Variants in DCBLD2 observed in about 807,000 individuals in gnomAD.
DCBLD2 encodes discoidin, CUB and LCCL domain containing 2.
In DCBLD2, 54 loss-of-function variants were observed where a neutral mutation model predicts 86.8. The ratio of observed to expected loss-of-function variants is 0.62; its 90% CI spans 0.50 to 0.78. DCBLD2 has a LOEUF of 0.78. Among genes scored for constraint, DCBLD2 ranks in the 30% least tolerant of loss-of-function variants. The pLI is 0.00. For missense variants in DCBLD2, 908 were observed against 954.2 expected, an observed-to-expected ratio of 0.95 and a Z score of 0.64; for synonymous variants, 354 against 341.3, an observed-to-expected ratio of 1.04 and a Z score of -0.41.
intron 2 of DCBLD2, among the ~76,000 whole-genome samples, chr3:98,854,371 G>A (rs2107489883): frequency 6.6e-6 from 1 of 152,186 alleles, no homozygotes; most frequent in Admixed American, 6.5e-5. Flanking sequence ...GTGGTTGAGT[G>A]TTCTCTTTTT....
chr3:98,820,186 G>T, intron 7 of DCBLD2, 62 bp downstream of exon 7: 1 of 1,072,680 alleles, frequency 9.3e-7, no homozygotes, highest in Non-Finnish European at 1.2e-6. Flanking sequence ...CTGACACAGT[G>T]CCTAACAGTG....
At chr3:98,822,423 C>T in intron 5 of DCBLD2, 62 bp from the exon 6 acceptor site, 1 of 1,539,448 alleles carries the variant, frequency 6.5e-7, no homozygotes, top group Non-Finnish European at 8.7e-7. Flanking sequence ...ATAAACAAGA[C>T]ACTCTACTTC....
intron 3 of DCBLD2, among the ~76,000 whole-genome samples, chr3:98,836,052 C>CTGTGTG (rs540771780): frequency 1.7e-5 from 2 of 116,988 alleles, no homozygotes; most frequent in African/African-American, 6.7e-5. Context: ...ATCAGTCCTC[C>CTGTGTG]TGTGTGTGTG....
intron 3 of DCBLD2, 60 bp downstream of exon 3, chr3:98,849,401 T>C (rs757657805): frequency 7.5e-6 from 12 of 1,607,130 alleles, no homozygotes; most frequent in Middle Eastern, 3.3e-4. Flanking sequence ...AAAAAAAGCA[T>C]TTTATTTTTG....
chr3:98,815,346 G>C (rs541054482), intron 9 of DCBLD2: 1 of 152,110 alleles, frequency 6.6e-6, no homozygotes, highest in Non-Finnish European at 1.5e-5. Context: ...TGTCTCAGTG[G>C]GGGAGAAAAA....
At chr3:98,873,546 C>G (rs1345438662) in intron 2 of DCBLD2, among the ~76,000 whole-genome samples, 1 of 151,852 alleles carries the variant, frequency 6.6e-6, no homozygotes, top group South Asian at 2.1e-4. Flanking sequence ...AAAAGAAAAA[C>G]ATAAACCAAA....
At chr3:98,823,448 G>A (rs192968628) in intron 4 of DCBLD2, among the ~76,000 whole-genome samples, 6 of 152,152 alleles carry the variant, frequency 3.9e-5, no homozygotes, top group East Asian at 3.9e-4. Flanking sequence ...ATTCATTCAC[G>A]CTGCTACCCA....
At chr3:98,897,421 A>G (rs569954828) in intron 1 of DCBLD2, among the ~76,000 whole-genome samples, 2 of 152,296 alleles carry the variant, frequency 1.3e-5, no homozygotes, top group South Asian at 2.1e-4. Context: ...ACAAAACTGG[A>G]TAAGAGCCCC....
At position 98,811,563 on chromosome 3, in the gene DCBLD2, A is replaced by C; in HGVS notation, c.1364-9T>G. The stretch of plus-strand genomic sequence containing the variant: ...AAGTTTTGGAGGACGACCTTGAAAA[A>C]TGGTTTAGAAAAATTTAAACATTTT... On this transcript the variant is annotated splice_polypyrimidine_tract_variant and intron_variant, in intron 10 of 15. Transcript: ENST00000326840. 6.4e-7 allele frequency: 1 copy of C among 1,560,798 alleles called. No individual in the cohort carries two copies. The highest frequency in any genetic ancestry group is 8.6e-7 in the Non-Finnish European group (1 of 1,158,608).
chr3:98,822,123 A>C (rs1318153259), intron 6 of DCBLD2, 105 bp downstream of exon 6: 1 of 1,322,436 alleles, frequency 7.6e-7, no homozygotes, highest in South Asian at 1.2e-5. Flanking sequence ...TTTCATGAAC[A>C]CCATTAACAG....
intron 2 of DCBLD2, among the ~76,000 whole-genome samples, chr3:98,877,140 A>C (rs1242252353): frequency 2.6e-5 from 4 of 152,166 alleles, no homozygotes; most frequent in Non-Finnish European, 5.9e-5. Context: ...GAATCATGTT[A>C]ATGTTTAACA....
At chr3:98,887,818 T>C (rs953115001) in intron 1 of DCBLD2, among the ~76,000 whole-genome samples, 6 of 152,044 alleles carry the variant, frequency 3.9e-5, no homozygotes, top group Non-Finnish European at 8.8e-5. Context: ...TTACAATTGA[T>C]GAACCTACAC....
intron 1 of DCBLD2, among the ~76,000 whole-genome samples, chr3:98,894,591 C>G (rs1425118028): frequency 6.6e-6 from 1 of 152,108 alleles, no homozygotes; most frequent in Non-Finnish European, 1.5e-5. Context: ...GCAAAGGAGT[C>G]TTCCTCCTGG....
chr3:98,832,794 G>A (rs1484750361), intron 3 of DCBLD2, among the ~76,000 whole-genome samples: 4 of 152,180 alleles, frequency 2.6e-5, no homozygotes, highest in Admixed American at 1.3e-4. Flanking sequence ...GGTTTCAGCT[G>A]AGAGGTCTGT....
intron 3 of DCBLD2, among the ~76,000 whole-genome samples, chr3:98,844,608 C>T (rs1018252852): frequency 6.6e-6 from 1 of 152,064 alleles, no homozygotes; most frequent in Admixed American, 6.6e-5. Flanking sequence ...GATGACCCAC[C>T]CGCTTCGGCC....
intron 3 of DCBLD2, among the ~76,000 whole-genome samples, chr3:98,828,140 C>T (rs1239359661): frequency 6.6e-6 from 1 of 152,118 alleles, no homozygotes. Context: ...AATATCACAA[C>T]TCTGGATTAA....
intron 1 of DCBLD2, chr3:98,900,880 G>A (rs1943835194): frequency 1.6e-6 from 1 of 626,962 alleles, no homozygotes; most frequent in Non-Finnish European, 2.7e-6. Flanking sequence ...TCATAGCAGG[G>A]TCTCACGTCC....
At chr3:98,870,749 G>GAAAGAAAGAAAGAGAA (rs1559794464) in intron 2 of DCBLD2, among the ~76,000 whole-genome samples, 13 of 111,204 alleles carry the variant, frequency 1.2e-4, no homozygotes, top group African/African-American at 4.0e-4. Context: ...AAGAAAGAAA[G>GAAAGAAAGAAAGAGAA]AAAGAAAGAA....
At chr3:98,886,504 T>C (rs996142999) in intron 1 of DCBLD2, among the ~76,000 whole-genome samples, 33 of 152,042 alleles carry the variant, frequency 2.2e-4, no homozygotes, top group African/African-American at 6.8e-4. Flanking sequence ...CTTCACTAAC[T>C]TTCTCCTTCT....
Sources: allele counts gnomAD v4.1 joint callset (sites outside exome capture counted in the v4.1 genomes callset), GRCh38; gene constraint gnomAD v4.1.1; transcripts MANE v1.5; gene names NCBI Gene and HGNC (gene_info 2026-07-23, HGNC 2026-07-21).